CAST: variants seen among roughly 807,000 people sequenced by gnomAD.
The protein encoded by CAST is MIR583 host.
Under a neutral mutation model 119.6 loss-of-function variants are expected in CAST, and 76 were observed. The observed-to-expected ratio is 0.64, with a 90% CI of 0.53 to 0.77. The LOEUF is 0.77. Among genes scored for constraint, CAST ranks in the 30% least tolerant of loss-of-function variants. The pLI, the probability that CAST is intolerant of heterozygous loss-of-function variation, is 0.00. For missense variants in CAST, 953 were observed against 946.5 expected (o/e 1.01, Z -0.09); for synonymous variants, 319 against 331.6 (o/e 0.96, Z 0.41).
chr5:96,762,237 TACA>T (rs779151115), intron 24 of CAST, 34 bp from the exon 25 acceptor site: 2 of 1,368,098 alleles, frequency 1.5e-6, no homozygotes, highest in African/African-American at 2.9e-5. Context: ...TAATTTTATA[TACA>T]ACATGTTACT....
At chr5:96,422,450 T>G in the CAST span, among the ~76,000 whole-genome samples, 1 of 152,094 alleles carries the variant, frequency 6.6e-6, no homozygotes. Flanking sequence ...AACATGTAAT[T>G]TAATTTGAGA....
At chr5:96,140,144 G>T in the CAST span, among the ~76,000 whole-genome samples, 70 of 152,268 alleles carry the variant, frequency 4.6e-4, no homozygotes, top group African/African-American at 1.7e-3. Context: ...GGAACCACTT[G>T]GCTAGAAATA....
the CAST span, among the ~76,000 whole-genome samples, chr5:96,508,435 G>A: frequency 6.7e-4 from 102 of 152,220 alleles, 1 homozygote; most frequent in South Asian, 0.014. Context: ...ATTATAATAG[G>A]AGTAGATTGC....
At chr5:96,631,912 G>T (rs1311311978) in intron 1 of CAST, among the ~76,000 whole-genome samples, 1 of 152,088 alleles carries the variant, frequency 6.6e-6, no homozygotes, top group African/African-American at 2.4e-5. Flanking sequence ...ACTTTTTGAG[G>T]AACAGCCAAG....
the CAST span, among the ~76,000 whole-genome samples, chr5:96,403,123 G>A: frequency 7.2e-4 from 109 of 152,204 alleles, 3 homozygotes; most frequent in East Asian, 0.019. Context: ...ATCACATATA[G>A]CATGTGTGTC....
chr5:96,168,877 A>C, the CAST span, among the ~76,000 whole-genome samples: 2 of 152,256 alleles, frequency 1.3e-5, no homozygotes, highest in African/African-American at 4.8e-5. Context: ...GGAGGAAGAA[A>C]ATAGATTTTG....
chr5:96,060,706 G>T, the CAST span, among the ~76,000 whole-genome samples: 1 of 152,104 alleles, frequency 6.6e-6, no homozygotes, highest in Admixed American at 6.6e-5. Context: ...CAGGCCATAT[G>T]ACTAGGCTGA....
the CAST span, among the ~76,000 whole-genome samples, chr5:96,435,699 C>T: frequency 3.3e-5 from 5 of 152,110 alleles, no homozygotes; most frequent in East Asian, 1.9e-4. Flanking sequence ...ATTAAGAGGA[C>T]GTGTTTCCAT....
the CAST span, among the ~76,000 whole-genome samples, chr5:96,261,255 G>T: frequency 1.3e-5 from 2 of 152,146 alleles, no homozygotes; most frequent in Admixed American, 1.3e-4. Flanking sequence ...GTTCTGCCAT[G>T]GGCAGGTCTA....
chr5:95,984,626 T>C, the CAST span, among the ~76,000 whole-genome samples: 1 of 152,176 alleles, frequency 6.6e-6, no homozygotes, highest in Non-Finnish European at 1.5e-5. Flanking sequence ...CAACAAATAA[T>C]AATCAATAAT....
intron 1 of CAST, among the ~76,000 whole-genome samples, chr5:96,619,529 A>G (rs902387235): frequency 3.9e-5 from 6 of 152,228 alleles, no homozygotes; most frequent in Non-Finnish European, 7.3e-5. Flanking sequence ...GTCCTCTTCC[A>G]CAGTGTGGTA....
At chr5:96,316,121 G>A in the CAST span, among the ~76,000 whole-genome samples, 1 of 152,194 alleles carries the variant, frequency 6.6e-6, no homozygotes, top group African/African-American at 2.4e-5. Context: ...ATTTTTGTAT[G>A]GCTTTGTAAC....
intron 1 of CAST, among the ~76,000 whole-genome samples, chr5:96,670,096 G>A (rs1749870319): frequency 6.6e-6 from 1 of 152,150 alleles, no homozygotes; most frequent in African/African-American, 2.4e-5. Flanking sequence ...AGAGAGCTGA[G>A]TTCCATGAGC....
At chr5:96,368,799 T>C in the CAST span, among the ~76,000 whole-genome samples, 4 of 152,140 alleles carry the variant, frequency 2.6e-5, no homozygotes, top group African/African-American at 9.6e-5. Context: ...CAAAGTAATG[T>C]TTTTGAAATC....
the CAST span, among the ~76,000 whole-genome samples, chr5:96,425,056 G>GAA: frequency 8.3e-6 from 1 of 120,408 alleles, no homozygotes; most frequent in South Asian, 2.8e-4. Context: ...AAGAAAGAAA[G>GAA]AAAGAAAGAA....
At chr5:96,303,984 C>G in the CAST span, among the ~76,000 whole-genome samples, 27 of 152,228 alleles carry the variant, frequency 1.8e-4, no homozygotes, top group African/African-American at 6.0e-4. Flanking sequence ...ATTGCTGGGT[C>G]AAATGGTATT....
the CAST span, among the ~76,000 whole-genome samples, chr5:96,310,422 G>A: frequency 6.6e-6 from 1 of 152,098 alleles, no homozygotes; most frequent in Non-Finnish European, 1.5e-5. Flanking sequence ...TCTGGCTTTG[G>A]TATCAGAACC....
the CAST span, among the ~76,000 whole-genome samples, chr5:96,149,202 A>G: frequency 6.6e-6 from 1 of 152,218 alleles, no homozygotes; most frequent in African/African-American, 2.4e-5. Flanking sequence ...AGCTGTGTGT[A>G]CACTGCAGGC....
chr5:96,507,283 C>A, the CAST span, among the ~76,000 whole-genome samples: 43,643 of 152,076 alleles, frequency 0.29, 7,156 homozygotes, highest in Middle Eastern at 0.39. Flanking sequence ...TTACATCAGG[C>A]TGCCATGCTT....
Sources: gnomAD v4.1 joint callset for allele counts (sites outside exome capture counted in the v4.1 genomes callset) on GRCh38, gnomAD v4.1.1 for gene constraint, MANE v1.5 for transcripts, NCBI Gene and HGNC (gene_info 2026-07-23, HGNC 2026-07-21) for gene names.